NEURL3: variants seen among roughly 807,000 people sequenced by gnomAD.
NEURL3 encodes the protein neuralized E3 ubiquitin protein ligase 3, also known as E3 ubiquitin-protein ligase NEURL3.
A neutral mutation model predicts 17.6 loss-of-function variants in NEURL3; 19 were observed. That is an observed-to-expected ratio of 1.08 (90% CI 0.75 to 1.58). NEURL3 has a LOEUF of 1.58. Ranked by LOEUF, NEURL3 falls within the 40% of genes most tolerant of loss-of-function variation. The pLI is 0.00. For missense variants in NEURL3, 342 were observed against 379.6 expected (o/e 0.90, Z 0.82); for synonymous variants, 180 against 161.4 (o/e 1.11, Z -0.87).
chr2:96,502,371 G>T (rs1287702460), intron 1 of NEURL3, among the ~76,000 whole-genome samples: 1 of 152,184 alleles, frequency 6.6e-6, no homozygotes, highest in African/African-American at 2.4e-5. Context: ...CATGGTTGAG[G>T]CTGCTCCATG....
intron 2 of NEURL3, chr2:96,500,181 T>C: frequency 3.7e-6 from 2 of 541,914 alleles, no homozygotes; most frequent in Non-Finnish European, 6.6e-6. Flanking sequence ...AGATGGACAC[T>C]CTAACAGGTG....
chr2:96,506,066 A>G (rs1415527046), upstream of NEURL3, among the ~76,000 whole-genome samples: 1 of 152,226 alleles, frequency 6.6e-6, no homozygotes, highest in Non-Finnish European at 1.5e-5. Context: ...TTCGGTTAGG[A>G]AAACTGAGGA....
intron 2 of NEURL3, chr2:96,500,162 T>C: frequency 2.1e-6 from 1 of 476,750 alleles, no homozygotes; most frequent in Non-Finnish European, 3.8e-6. Context: ...TTTCTTCCTT[T>C]GTAAAAGGAG....
At chr2:96,501,477 T>C (rs530839043) in intron 1 of NEURL3, among the ~76,000 whole-genome samples, 1 of 152,168 alleles carries the variant, frequency 6.6e-6, no homozygotes, top group Admixed American at 6.5e-5. Flanking sequence ...TGTTTTCCCA[T>C]GGGGAACTGC....
intron 1 of NEURL3, among the ~76,000 whole-genome samples, chr2:96,503,038 C>A (rs995980044): frequency 1.3e-5 from 2 of 152,214 alleles, no homozygotes; most frequent in Non-Finnish European, 2.9e-5. Context: ...GGAGTTTCCA[C>A]CCTACCCTCT....
chr2:96,501,347 G>A (rs1573156865), intron 1 of NEURL3, among the ~76,000 whole-genome samples: 1 of 152,148 alleles, frequency 6.6e-6, no homozygotes, highest in Admixed American at 6.5e-5. Flanking sequence ...GAGCCACTGC[G>A]CCCAGCCCAT....
At chr2:96,506,437 C>G (rs570316602), upstream of NEURL3, among the ~76,000 whole-genome samples, 3 of 152,372 alleles carry the variant, frequency 2.0e-5, no homozygotes, top group African/African-American at 7.2e-5. Flanking sequence ...CTTCTGGCCT[C>G]AAGCAGTCCC....
At chr2:96,504,896 A>AAAAAAAAAAAAAAAAAAAAAAAAC in intron 1 of NEURL3, among the ~76,000 whole-genome samples, 2 of 149,682 alleles carry the variant, frequency 1.3e-5, no homozygotes, top group Non-Finnish European at 1.5e-5. Flanking sequence ...AAAAAAAAAA[A>AAAAAAAAAAAAAAAAAAAAAAAAC]AAAAGACCAG....
intron 1 of NEURL3, among the ~76,000 whole-genome samples, chr2:96,502,591 A>T (rs1459014773): frequency 6.6e-6 from 1 of 152,254 alleles, no homozygotes; most frequent in African/African-American, 2.4e-5. Context: ...GCTGGGGGTG[A>T]CAGGGCAAGT....
chr2:96,499,533 C>A (rs1307221346), intron 2 of NEURL3, 84 bp from the exon 3 acceptor site: 22 of 1,260,840 alleles, frequency 1.7e-5, no homozygotes, highest in Non-Finnish European at 2.3e-5. Context: ...AGCAAAGTGT[C>A]CGGTCTCCTT....
intron 1 of NEURL3, among the ~76,000 whole-genome samples, chr2:96,504,927 A>G (rs1280187605): frequency 6.7e-6 from 1 of 148,488 alleles, no homozygotes; most frequent in East Asian, 2.0e-4. Context: ...TCCCCCACAT[A>G]TGGCTCTTCC....
rs1450139883 is a variant in NEURL3 at position 96,498,543 on chromosome 2, T to C, written c.587-97A>G. 9.7e-6 allele frequency: 11 copies of C among 1,139,778 alleles called. No homozygotes were observed. In the Admixed American group the frequency reaches 1.6e-4, roughly 17 times the overall value. 70.6% of individuals were successfully genotyped at this position (1,139,778 alleles called of 1,614,324 possible). A position where few individuals can be genotyped will look rare whatever the true frequency, so the allele number is the denominator to read the frequency against. On this transcript the variant is annotated intron_variant, in intron 3 of 3. Coordinates refer to ENST00000451794, the MANE Select transcript of NEURL3 (RefSeq NM_001285485.2). The surrounding 1 kb of genome is among the most constrained non-coding windows in gnomAD (Gnocchi z 4.4). ...AGAGAATGACAGAGAAACATGTAGC[T>C]ATATTTTGAAGAATGTTACCTAGTG...
rs775668470 is a variant in NEURL3, at chr2:96,498,327, T to C, written c.706A>G (p.Lys236Glu). 1 of 1,598,202 alleles carries C rather than the reference T, an allele frequency of 6.3e-7. No homozygotes were observed. The highest frequency in any genetic ancestry group is 1.1e-5 in the South Asian group (1 of 90,682). Residue 236 changes from lysine (K) to glutamate (E), a missense_variant, in exon 4 of 4, where the codon AAG (lysine) becomes GAG (glutamate). Coordinates refer to ENST00000451794, the MANE Select transcript of NEURL3 (RefSeq NM_001285485.2). This position sits in a 1 kb window ranked among gnomAD's most constrained non-coding sequence, Gnocchi z 4.4. ...ATCTGCCAGCGGCACACAGGGCACT[T>C]GGCCGTATCGCTGAAGACCCGCCAG... is the stretch of plus-strand genomic sequence containing the variant. ...CAWRVFSDTA[K>E]CPVCRWQIEA...
chr2:96,504,795 G>C (rs987012950), intron 1 of NEURL3: 1 of 150,978 alleles, frequency 6.6e-6, no homozygotes, highest in Admixed American at 6.7e-5. Flanking sequence ...GGAGAATGGC[G>C]TGAACCCAGG....
At chr2:96,500,131 G>C in intron 2 of NEURL3, 2 of 401,702 alleles carry the variant, frequency 5.0e-6, no homozygotes, top group South Asian at 5.5e-5. Flanking sequence ...TCCTATTTAG[G>C]CTGCAAAGCC....
At chr2:96,500,101 C>T in intron 2 of NEURL3, 1 of 328,284 alleles carries the variant, frequency 3.0e-6, no homozygotes. Context: ...CTTTGCTTGC[C>T]ACCTTTGTAT....
chr2:96,507,182 C>T (rs144818237), upstream of NEURL3, among the ~76,000 whole-genome samples: 30 of 152,220 alleles, frequency 2.0e-4, no homozygotes, highest in East Asian at 4.2e-3. Context: ...ACAGGCTGGC[C>T]GACTCTCCCC....
In NEURL3 at chr2:96,499,470, C is replaced by A. The variant is rs763805880; in HGVS notation, c.515-21G>T. The A allele has an allele frequency of 3.1e-6, 5 of 1,598,700 alleles. No homozygotes were observed. The Admixed American group carries it at 6.7e-5, about 21-fold the overall frequency. On this transcript the variant is annotated intron_variant, in intron 2 of 3. Transcript: ENST00000451794. ...GGGATCTGAGGCAGAGAGAGAAACT[C>A]AGGTCCAGGACGGCAAGCCCAGGTG...
chr2:96,506,014 C>G (rs114436195), upstream of NEURL3, among the ~76,000 whole-genome samples: 238 of 152,308 alleles, frequency 1.6e-3, 3 homozygotes, highest in Non-Finnish European at 2.6e-3. Context: ...TGTGTTAGCA[C>G]TGGAAAAGAA....
Sources: allele counts gnomAD v4.1 joint callset (sites outside exome capture counted in the v4.1 genomes callset), GRCh38; gene constraint gnomAD v4.1.1; non-coding constraint Gnocchi (gnomAD v3.1); transcripts MANE v1.5; gene names NCBI Gene and HGNC (gene_info 2026-07-23, HGNC 2026-07-21).